The following CENPU variants were observed in gnomAD, a reference collection of about 807,000 sequenced individuals.
CENPU encodes centromere protein U.
A neutral mutation model predicts 56.7 loss-of-function variants in CENPU; 46 were observed. That is an observed-to-expected ratio of 0.81 (90% CI 0.64 to 1.04). CENPU has a LOEUF of 1.04. CENPU is among the 50% of genes least tolerant of loss of function. The pLI is 0.00. For missense variants in CENPU, 510 were observed against 490.1 expected (o/e 1.04, Z -0.38); for synonymous variants, 166 against 163.0 (o/e 1.02, Z -0.14).
intron 8 of CENPU, among the ~76,000 whole-genome samples, chr4:184,704,493 G>A (rs1358480104): frequency 2.6e-5 from 4 of 152,050 alleles, no homozygotes; most frequent in Non-Finnish European, 5.9e-5. Flanking sequence ...ATCTAAGTTG[G>A]TTTAAGTACA....
intron 2 of CENPU, 26 bp from the exon 3 acceptor site, chr4:184,729,061 T>C (rs769730664): frequency 4.2e-5 from 64 of 1,535,820 alleles, no homozygotes; most frequent in Non-Finnish European, 5.8e-5. Context: ...GTTGAGTCAT[T>C]GAGTTGGCTC....
intron 8 of CENPU, 34 bp downstream of exon 8, chr4:184,710,038 T>C (rs1386470843): frequency 1.6e-6 from 2 of 1,233,450 alleles, no homozygotes; most frequent in East Asian, 2.5e-5. Context: ...GGGAAATTTA[T>C]TAGGTAAATA....
At chr4:184,710,989 G>A (rs1294990249) in intron 7 of CENPU, among the ~76,000 whole-genome samples, 2 of 152,066 alleles carry the variant, frequency 1.3e-5, no homozygotes, top group Non-Finnish European at 2.9e-5. Context: ...CCAAGCAGCT[G>A]GGACTACAAG....
Position 184,694,494 on chromosome 4 carries a change from T to C in CENPU, c.*794A>G, listed in dbSNP as rs776788748. On this transcript the variant is annotated 3_prime_UTR_variant, in exon 13 of 13. Transcript: ENST00000281453. ...CTGAGTAAATATTTTCCTATCCCAC[T>C]CTCTATCCCTTCACCACTGAAATAA... 1.9e-6 allele frequency: 3 copies of C among 1,598,470 alleles called. No individual in the cohort carries two copies. The South Asian group carries it at 3.3e-5, about 18-fold the overall frequency.
chr4:184,694,811 C>T lies in CENPU; in HGVS notation c.*477G>A. On this transcript the variant is annotated 3_prime_UTR_variant, in exon 13 of 13. Coordinates refer to ENST00000281453, the MANE Select transcript of CENPU (RefSeq NM_024629.4). Reference sequence around the variant, plus strand: ...CACTATGAACACTTTTGTCACCAGGCTATAATTTGCCTGATGTCTGTGAGA... The same window carrying T: ...CACTATGAACACTTTTGTCACCAGGTTATAATTTGCCTGATGTCTGTGAGA... 1 of 1,560,756 alleles carries T rather than the reference C, an allele frequency of 6.4e-7. No homozygotes were observed. The highest frequency in any genetic ancestry group is 1.7e-4 in the Middle Eastern group (1 of 5,914).
rs759953311 is a variant in CENPU at position 184,716,388 on chromosome 4, C to T, written c.618+9G>A. On this transcript the variant is annotated intron_variant, in intron 6 of 12. Transcript: ENST00000281453. ...TTTTGCCCTCCTAGGGGATGGCAGACGTTCTTACCGATTGACTTTCTATTG... is the reference window on the plus strand; with the variant it reads ...TTTTGCCCTCCTAGGGGATGGCAGATGTTCTTACCGATTGACTTTCTATTG... The T allele has an allele frequency of 1.2e-5, 20 of 1,604,710 alleles. No homozygotes were observed. The highest frequency in any genetic ancestry group is 1.7e-4 in the Middle Eastern group (1 of 6,042).
At chr4:184,731,513 T>C (rs1761644832) in intron 1 of CENPU, among the ~76,000 whole-genome samples, 1 of 152,110 alleles carries the variant, frequency 6.6e-6, no homozygotes, top group South Asian at 2.1e-4. Flanking sequence ...TGTATATATA[T>C]CTTCAACAAG....
chr4:184,721,305 A>G (rs527806559), intron 4 of CENPU, among the ~76,000 whole-genome samples: 3 of 152,156 alleles, frequency 2.0e-5, no homozygotes, highest in South Asian at 4.2e-4. Flanking sequence ...CACCTTTACT[A>G]AAAGGAAGAC....
rs150943988 is a variant in CENPU, at chr4:184,703,147, C to T, written c.798-706G>A. Among the ~76,000 whole-genome samples the T allele has an allele frequency of 4.5e-3, 689 of 152,288 alleles. 3 individuals are homozygous for T. Among genetic ancestry groups the T allele is most frequent in the Non-Finnish European group, 6.2e-3 (419 of 68,032 alleles). On this transcript the variant is annotated intron_variant, in intron 8 of 12. Transcript: ENST00000281453. ...ATATTATTCCCTAAGCCCTCTGGTA[C>T]GGGGTCATCTTAATTCCCTGATACT...
At chr4:184,696,575 C>G (rs1226569709) in intron 12 of CENPU, among the ~76,000 whole-genome samples, 2 of 152,216 alleles carry the variant, frequency 1.3e-5, no homozygotes, top group East Asian at 1.9e-4. Flanking sequence ...TTCTGGATCT[C>G]TAATATATAC....
chr4:184,729,472 G>T (rs1375227040), intron 2 of CENPU, among the ~76,000 whole-genome samples: 1 of 152,216 alleles, frequency 6.6e-6, no homozygotes, highest in Admixed American at 6.5e-5. Flanking sequence ...GCATGGCTGT[G>T]TTCCAATACA....
intron 1 of CENPU, 113 bp downstream of exon 1, chr4:184,733,903 G>A: frequency 7.0e-7 from 1 of 1,438,668 alleles, no homozygotes; most frequent in Non-Finnish European, 9.8e-7. Context: ...TGGCCACTCG[G>A]GCGACCTCCA....
chr4:184,734,049 C>A lies in CENPU; in HGVS notation c.14G>T (p.Gly5Val). ...CCTGTGAGGCCGCGGCCGCCGCCGC[C>A]CCCGCGGGGCCATGGTGCCGCTCTC... MAPR[G>V]RRRPRPHRSE... Residue 5 changes from glycine to valine, a missense_variant, in exon 1 of 13, where the codon GGG becomes GTG. Transcript: ENST00000281453. The A allele has an allele frequency of 6.4e-7, 1 of 1,569,130 alleles. No individual in the cohort carries two copies. The highest frequency in any genetic ancestry group is 1.2e-5 in the South Asian group (1 of 86,368).
chr4:184,705,676 A>G (rs1760703255), intron 8 of CENPU, among the ~76,000 whole-genome samples: 1 of 152,222 alleles, frequency 6.6e-6, no homozygotes, highest in Non-Finnish European at 1.5e-5. Flanking sequence ...AACATTATTC[A>G]CAACAGCCAA....
chr4:184,694,778 A>T lies in CENPU; in HGVS notation c.*510T>A. On this transcript the variant is annotated 3_prime_UTR_variant, in exon 13 of 13. Transcript: ENST00000281453. ...CTAATTATAGAAGTATTACAAGAGTAACTAATTCACTATGAACACTTTTGT... is the reference window on the plus strand; with the variant it reads ...CTAATTATAGAAGTATTACAAGAGTTACTAATTCACTATGAACACTTTTGT... 1 of 1,604,004 alleles carries T rather than the reference A, an allele frequency of 6.2e-7. No homozygotes were observed. The highest frequency in any genetic ancestry group is 1.1e-5 in the South Asian group (1 of 90,782).
At chr4:184,726,721 G>A (rs1473838228) in intron 3 of CENPU, among the ~76,000 whole-genome samples, 1 of 151,912 alleles carries the variant, frequency 6.6e-6, no homozygotes, top group African/African-American at 2.4e-5. Context: ...AAAAGCAGAA[G>A]TAACCCAAGG....
chr4:184,694,301 C>A lies in CENPU; in HGVS notation c.*987G>T. Reference sequence around the variant, plus strand: ...ATGTGCACAGAACTGTAGGTAATTTCAAATTTGGAGTTTCAAGTGTGTCTG... The same window carrying A: ...ATGTGCACAGAACTGTAGGTAATTTAAAATTTGGAGTTTCAAGTGTGTCTG... On this transcript the variant is annotated 3_prime_UTR_variant, in exon 13 of 13. Coordinates refer to ENST00000281453, the MANE Select transcript of CENPU (RefSeq NM_024629.4). 1 of 1,319,156 alleles carries A rather than the reference C, an allele frequency of 7.6e-7. No homozygotes were observed. Among genetic ancestry groups the A allele is most frequent in the Non-Finnish European group, 9.7e-7 (1 of 1,032,038 alleles). The allele number at this position is 1,319,156 out of a possible 1,614,324, so 81.7% of individuals were successfully genotyped here.
At chr4:184,731,544 C>A (rs1761645603) in intron 1 of CENPU, among the ~76,000 whole-genome samples, 1 of 152,088 alleles carries the variant, frequency 6.6e-6, no homozygotes, top group South Asian at 2.1e-4. Flanking sequence ...ACAAATGTAA[C>A]AATGGTGACA....
rs557400972 is a variant in CENPU at position 184,699,662 on chromosome 4, GTC to G, written c.986+1156_986+1157del. On this transcript the variant is annotated intron_variant, in intron 11 of 12. Transcript: ENST00000281453. ...TTCTCCCACTTAAACTCCTGTGGCA[GTC>G]TCTCTTTTTTTTTTGAGACACAGTT... 1,046 of 1,208,036 alleles carry G rather than the reference GTC, an allele frequency of 8.7e-4. 12 individuals carry two copies. In the African/African-American group the frequency reaches 0.016, roughly 18 times the overall value. The allele number at this position is 1,208,036 out of a possible 1,614,324, so 74.8% of individuals were successfully genotyped here.
Sources: allele counts gnomAD v4.1 joint callset (sites outside exome capture counted in the v4.1 genomes callset), GRCh38; gene constraint gnomAD v4.1.1; transcripts MANE v1.5; gene names NCBI Gene and HGNC (gene_info 2026-07-23, HGNC 2026-07-21).